The following CD300LB variants were observed in gnomAD, a reference collection of about 807,000 sequenced individuals.
CD300LB encodes the protein CMRF35-like molecule 7.
Under a neutral mutation model 20.8 loss-of-function variants are expected in CD300LB, and 18 were observed. The ratio of observed to expected loss-of-function variants is 0.87; its 90% CI spans 0.60 to 1.28. The LOEUF is 1.28. CD300LB is among the 50% of genes most tolerant of loss of function. CD300LB has a pLI of 0.00. For missense variants in CD300LB, 222 were observed against 251.8 expected (o/e 0.88, Z 0.80); for synonymous variants, 91 against 91.3 (o/e 1.00, Z 0.02).
At chr17:74,526,849 C>T (rs767018720) in intron 1 of CD300LB, among the ~76,000 whole-genome samples, 18 of 152,242 alleles carry the variant, frequency 1.2e-4, no homozygotes, top group Non-Finnish European at 2.5e-4. Context: ...CCCAAGCCAG[C>T]TCCTGTGAGC....
At chr17:74,523,554 C>G (rs771103106) in intron 3 of CD300LB, 25 bp downstream of exon 3, 2 of 1,549,864 alleles carry the variant, frequency 1.3e-6, no homozygotes, top group South Asian at 2.2e-5. Context: ...CAGGTAGGGG[C>G]AGGAGAAAGA....
In CD300LB at chr17:74,521,993, G is replaced by A. The variant is rs973823197; in HGVS notation, c.*745C>T. The A allele has an allele frequency of 4.8e-5, 47 of 985,466 alleles. No individual in the cohort carries two copies. Among genetic ancestry groups the A allele is most frequent in the Non-Finnish European group, 5.7e-5 (47 of 829,954 alleles). 61.0% of individuals were successfully genotyped at this position (985,466 alleles called of 1,614,324 possible). The stretch of plus-strand genomic sequence containing the variant: ...GAGGCCTGACAGGCTCTTTTGGGGA[G>A]GAGACCCAAGCTGTCATGCTGAGGA... On this transcript the variant is annotated 3_prime_UTR_variant, in exon 4 of 4. Transcript: ENST00000392621.
In CD300LB at chr17:74,522,407, A is replaced by T. The variant is rs896803991; in HGVS notation, c.*331T>A. 1.6e-5 allele frequency: 17 copies of T among 1,043,530 alleles called. No homozygotes were observed. In the African/African-American group the frequency reaches 2.4e-4, roughly 14 times the overall value. 64.6% of individuals were successfully genotyped at this position (1,043,530 alleles called of 1,614,324 possible). A position where few individuals can be genotyped will look rare whatever the true frequency, so the allele number is the denominator to read the frequency against. Reference sequence around the variant, plus strand: ...TCTAGGGCTGGGGGGGTCTCCCCCAACCTCTTTCTGTACTTTGGTCCCATG... The same window carrying T: ...TCTAGGGCTGGGGGGGTCTCCCCCATCCTCTTTCTGTACTTTGGTCCCATG... On this transcript the variant is annotated 3_prime_UTR_variant, in exon 4 of 4. Transcript: ENST00000392621.
chr17:74,521,766 T>G lies in CD300LB; in HGVS notation c.*972A>C, dbSNP rs879116475. On this transcript the variant is annotated 3_prime_UTR_variant, in exon 4 of 4. Transcript: ENST00000392621. ...CACATCTCACATGGGAAGGTCCCTTTGGTGTGAGGGTCCCTCAACCATACA... is the reference window on the plus strand; with the variant it reads ...CACATCTCACATGGGAAGGTCCCTTGGGTGTGAGGGTCCCTCAACCATACA... 3 of 985,508 alleles carry G rather than the reference T, an allele frequency of 3.0e-6. No individual in the cohort carries two copies. The highest frequency in any genetic ancestry group is 3.6e-6 in the Non-Finnish European group (3 of 830,010). The allele number at this position is 985,508 out of a possible 1,614,324, so 61.0% of individuals were successfully genotyped here.
rs903497736 is a variant in CD300LB at position 74,527,286 on chromosome 17, C to T, written c.41-1209G>A. Among the ~76,000 whole-genome samples, 140 of 152,062 alleles carry T rather than the reference C, an allele frequency of 9.2e-4. 1 individual carries two copies. The highest frequency in any genetic ancestry group is 9.1e-3 in the Admixed American group (139 of 15,284). On this transcript the variant is annotated intron_variant, in intron 1 of 3. Coordinates refer to ENST00000392621, the MANE Select transcript of CD300LB (RefSeq NM_174892.4). ...ATAGGCTCTTTCCTTGGCAATGACA[C>T]GGGTTTCTTGATCACGCAGAAGTGG...
chr17:74,530,688 T>A (rs766155632), intron 1 of CD300LB, among the ~76,000 whole-genome samples: 3 of 152,198 alleles, frequency 2.0e-5, no homozygotes, highest in Non-Finnish European at 4.4e-5. Flanking sequence ...AGTCTTTCTC[T>A]AGTCACCAGA....
In CD300LB at chr17:74,531,336, AG is replaced by A; in HGVS notation, c.14del (p.Pro5LeufsTer20). 1 of 1,606,866 alleles carries A rather than the reference AG, an allele frequency of 6.2e-7. No individual in the cohort carries two copies. Among genetic ancestry groups the A allele is most frequent in the Non-Finnish European group, 8.5e-7 (1 of 1,176,338 alleles). On this transcript the variant is annotated frameshift_variant, in exon 1 of 4. Transcript: ENST00000392621. LOFTEE classifies it high-confidence loss of function. Reference sequence around the variant, plus strand: ...CTGAGAGGCTGAGAAGGAGCAGAGCAGGGGGCAGCCACATGGCTCTGCCTTC... The same window carrying A: ...CTGAGAGGCTGAGAAGGAGCAGAGCAGGGGCAGCCACATGGCTCTGCCTTC... MWLP[P>X]ALLLLSLSGC...
rs796964149 is a variant in CD300LB, at chr17:74,522,350, C to A, written c.*388G>T. On this transcript the variant is annotated 3_prime_UTR_variant, in exon 4 of 4. Transcript: ENST00000392621. ...GATATATCAGGTTCTCAGGCAAAGA[C>A]GGTGTTGAGTTGGTCTCCGGAATGA... 1 of 1,001,790 alleles carries A rather than the reference C, an allele frequency of 1.0e-6. No homozygotes were observed. 62.1% of individuals were successfully genotyped at this position (1,001,790 alleles called of 1,614,324 possible).
chr17:74,528,374 G>A (rs1340388411), intron 1 of CD300LB, among the ~76,000 whole-genome samples: 1 of 151,992 alleles, frequency 6.6e-6, no homozygotes, highest in African/African-American at 2.4e-5. Flanking sequence ...ACCACGCCAG[G>A]CTCTGGTCTT....
In CD300LB at chr17:74,531,340, G is replaced by T. The variant is rs769399242; in HGVS notation, c.11C>A (p.Pro4His). Reference sequence around the variant, plus strand: ...GAGGCTGAGAAGGAGCAGAGCAGGGGGCAGCCACATGGCTCTGCCTTCCCG... The same window carrying T: ...GAGGCTGAGAAGGAGCAGAGCAGGGTGCAGCCACATGGCTCTGCCTTCCCG... The part of the protein sequence containing the change: MWL[P>H]PALLLLSLSG... Residue 4 changes from proline to histidine, a missense_variant, in exon 1 of 4, where the codon CCC becomes CAC. Transcript: ENST00000392621. The T allele has an allele frequency of 1.4e-5, 22 of 1,607,818 alleles. No homozygotes were observed. In the Admixed American group the frequency reaches 3.7e-4, roughly 27 times the overall value.
intron 2 of CD300LB, 77 bp downstream of exon 2, chr17:74,525,671 G>T: frequency 8.1e-7 from 1 of 1,231,748 alleles, no homozygotes; most frequent in Non-Finnish European, 1.2e-6. Context: ...TTCAGCCTTG[G>T]AGGGGAGCAG....
At chr17:74,527,779 A>T (rs1908079335) in intron 1 of CD300LB, among the ~76,000 whole-genome samples, 1 of 152,158 alleles carries the variant, frequency 6.6e-6, no homozygotes, top group Admixed American at 6.5e-5. Flanking sequence ...AGGGAAACAG[A>T]TTCTCCCCTA....
At chr17:74,524,854 G>C (rs1172190089) in intron 2 of CD300LB, among the ~76,000 whole-genome samples, 1 of 152,144 alleles carries the variant, frequency 6.6e-6, no homozygotes, top group African/African-American at 2.4e-5. Flanking sequence ...TGCCCCCATA[G>C]ATATTCTGGG....
Position 74,523,442 on chromosome 17 carries a change from A to T in CD300LB, c.443+137T>A, listed in dbSNP as rs1907942189. ...GATTGCAGTGATGGGGGCAGGAGAGAGATGGAGGGTGGGCTTGGGGCCTTG... is the reference window on the plus strand; with the variant it reads ...GATTGCAGTGATGGGGGCAGGAGAGTGATGGAGGGTGGGCTTGGGGCCTTG... On this transcript the variant is annotated intron_variant, in intron 3 of 3. Transcript: ENST00000392621. The T allele has an allele frequency of 5.8e-6, 4 of 693,536 alleles. No individual in the cohort carries two copies. The South Asian group carries it at 6.2e-5, about 11-fold the overall frequency. The allele number at this position is 693,536 out of a possible 1,614,324, so 43.0% of individuals were successfully genotyped here.
intron 2 of CD300LB, among the ~76,000 whole-genome samples, chr17:74,524,329 C>A (rs1907968813): frequency 6.6e-6 from 1 of 152,154 alleles, no homozygotes; most frequent in African/African-American, 2.4e-5. Flanking sequence ...TGGTTCACGC[C>A]TGTAATCCCA....
Position 74,530,067 on chromosome 17 carries a change from C to T in CD300LB, c.40+1244G>A, listed in dbSNP as rs1446550601. Reference sequence around the variant, plus strand: ...TGAGGAACGATAGAGATGGAAATGACAGGGCAGCCGTCAGCTTGGAGCAGA... The same window carrying T: ...TGAGGAACGATAGAGATGGAAATGATAGGGCAGCCGTCAGCTTGGAGCAGA... On this transcript the variant is annotated intron_variant, in intron 1 of 3. Transcript: ENST00000392621. Among the ~76,000 whole-genome samples, 4 of 152,182 alleles carry T rather than the reference C, an allele frequency of 2.6e-5. No individual in the cohort carries two copies. In the South Asian group the frequency reaches 6.2e-4, roughly 24 times the overall value.
chr17:74,526,103 G>C, intron 1 of CD300LB, 26 bp from the exon 2 acceptor site: 1 of 1,604,774 alleles, frequency 6.2e-7, no homozygotes, highest in African/African-American at 1.3e-5. Context: ...CCAAGATACA[G>C]CTCATTGCAC....
Position 74,521,333 on chromosome 17 carries a change from G to A in CD300LB, c.*1405C>T. ...CCCGCGGAGCGGTGCCGTCCTCCCTGGGTCTGGTCGGATCTTCGGGAAGCT... is the reference window on the plus strand; with the variant it reads ...CCCGCGGAGCGGTGCCGTCCTCCCTAGGTCTGGTCGGATCTTCGGGAAGCT... On this transcript the variant is annotated 3_prime_UTR_variant, in exon 4 of 4. Transcript: ENST00000392621. 1.0e-6 allele frequency: 1 copy of A among 984,960 alleles called. No individual in the cohort carries two copies. Among genetic ancestry groups the A allele is most frequent in the Non-Finnish European group, 1.2e-6 (1 of 829,478 alleles). The allele number at this position is 984,960 out of a possible 1,614,324, so 61.0% of individuals were successfully genotyped here. A position where few individuals can be genotyped will look rare whatever the true frequency, so the allele number is the denominator to read the frequency against.
Position 74,521,808 on chromosome 17 carries a change from T to A in CD300LB, c.*930A>T, listed in dbSNP as rs1598125260. The A allele has an allele frequency of 7.1e-6, 7 of 985,500 alleles. No homozygotes were observed. The highest frequency in any genetic ancestry group is 8.4e-6 in the Non-Finnish European group (7 of 829,974). The allele number at this position is 985,500 out of a possible 1,614,324, so 61.0% of individuals were successfully genotyped here. On this transcript the variant is annotated 3_prime_UTR_variant, in exon 4 of 4. Coordinates refer to ENST00000392621, the MANE Select transcript of CD300LB (RefSeq NM_174892.4). ...AACCATACAGCACAAAGTGACCACA[T>A]TCAAGGGCCTCATCGCCGTGGGTGA...
Sources: gnomAD v4.1 joint callset for allele counts (sites outside exome capture counted in the v4.1 genomes callset) on GRCh38, gnomAD v4.1.1 for gene constraint, MANE v1.5 for transcripts, NCBI Gene and HGNC (gene_info 2026-07-23, HGNC 2026-07-21) for gene names.